Variants in CEP112 observed in about 807,000 individuals in gnomAD.
CEP112 encodes centrosomal protein of 112 kDa.
CEP112 carries 127 observed loss-of-function variants against 153.0 expected under a neutral mutation model. That is an observed-to-expected ratio of 0.83 (90% confidence interval 0.72 to 0.96). The LOEUF (loss-of-function observed/expected upper bound fraction) is 0.96, where lower values mean the gene tolerates loss of function less well. Ranked by LOEUF, CEP112 falls within the 40% of genes least tolerant of loss-of-function variation. The pLI, the probability that CEP112 is intolerant of heterozygous loss-of-function variation, is 0.00. For missense variants in CEP112, 1,089 were observed against 1,101.2 expected, an observed-to-expected ratio of 0.99 and a Z score of 0.16; for synonymous variants, 358 against 374.4, an observed-to-expected ratio of 0.96 and a Z score of 0.51.
intron 17 of CEP112, among the ~76,000 whole-genome samples, chr17:65,991,049 T>C (rs1469700604): frequency 6.6e-6 from 1 of 152,234 alleles, no homozygotes; most frequent in African/African-American, 2.4e-5. Flanking sequence ...CTCTGAGATG[T>C]CCTGGCTTCA....
intron 21 of CEP112, among the ~76,000 whole-genome samples, chr17:65,792,211 AT>A (rs1387208871): frequency 6.6e-6 from 1 of 152,212 alleles, no homozygotes; most frequent in African/African-American, 2.4e-5. Context: ...GTGATTTACT[AT>A]ATCTCTATAT....
chr17:65,644,545 CA>C, intron 24 of CEP112: 1 of 220,960 alleles, frequency 4.5e-6, no homozygotes, highest in Non-Finnish European at 9.0e-6. Flanking sequence ...AACACAAGGT[CA>C]AAACTTTTTC....
chr17:66,116,720 C>T (rs553802744), intron 6 of CEP112, among the ~76,000 whole-genome samples: 30 of 152,144 alleles, frequency 2.0e-4, no homozygotes, highest in African/African-American at 6.5e-4. Flanking sequence ...TATAACTATC[C>T]CATGACTATG....
chr17:65,970,041 G>T (rs1027402649), intron 17 of CEP112, among the ~76,000 whole-genome samples: 7 of 152,128 alleles, frequency 4.6e-5, no homozygotes, highest in Non-Finnish European at 1.0e-4. Context: ...CATGCATATT[G>T]CATGCATGCC....
rs868047901 is a variant in CEP112 at position 65,937,815 on chromosome 17, G to A, written c.1873-10126C>T. On this transcript the variant is annotated intron_variant, in intron 18 of 26. Transcript: ENST00000535342. ...GGTGGGGGGGGTCAGCCCCCCGCCC[G>A]GCCAGCCGCCCCGTCCGGGAGGTGA... Among the ~76,000 whole-genome samples the A allele has an allele frequency of 6.0e-4, 62 of 104,110 alleles. 17 individuals carry two copies. The highest frequency in any genetic ancestry group is 0.01 in the Middle Eastern group (2 of 196). 68.3% of individuals were successfully genotyped at this position (104,110 alleles called of 152,430 possible).
chr17:66,054,005 C>T (rs8068229), intron 11 of CEP112, 126 bp from the exon 12 acceptor site: 308,482 of 549,490 alleles, frequency 0.56, 91,468 homozygotes, highest in African/African-American at 0.68. Context: ...CCAAAAGATA[C>T]AAAAAACCAC....
chr17:66,185,496 C>G (rs1340511106), intron 1 of CEP112, among the ~76,000 whole-genome samples: 1 of 152,218 alleles, frequency 6.6e-6, no homozygotes, highest in Non-Finnish European at 1.5e-5. Context: ...GCTGGCATTA[C>G]AGGCATGAGC....
At chr17:66,141,563 C>G (rs763344317) in intron 4 of CEP112, among the ~76,000 whole-genome samples, 1 of 152,098 alleles carries the variant, frequency 6.6e-6, no homozygotes, top group Non-Finnish European at 1.5e-5. Context: ...AGCAACTCCC[C>G]ATTTTCCCCG....
chr17:66,068,076 T>C (rs561093892), intron 9 of CEP112, among the ~76,000 whole-genome samples: 1 of 152,228 alleles, frequency 6.6e-6, no homozygotes, highest in Non-Finnish European at 1.5e-5. Flanking sequence ...ATTTATATTA[T>C]GTCAGAAGTT....
chr17:66,002,460 T>C (rs1169985039), intron 17 of CEP112, among the ~76,000 whole-genome samples: 2 of 152,026 alleles, frequency 1.3e-5, no homozygotes, highest in Non-Finnish European at 2.9e-5. Flanking sequence ...GTATATCTGG[T>C]CATGTAACAA....
chr17:65,961,412 T>C (rs1201842375), intron 18 of CEP112, 51 bp downstream of exon 18: 3 of 1,518,904 alleles, frequency 2.0e-6, no homozygotes, highest in East Asian at 2.3e-5. Context: ...AGAATGTACC[T>C]TCCTACTGAG....
intron 6 of CEP112, among the ~76,000 whole-genome samples, chr17:66,107,197 A>G (rs2068820561): frequency 6.6e-6 from 1 of 152,150 alleles, no homozygotes; most frequent in Non-Finnish European, 1.5e-5. Flanking sequence ...TATATTGAAC[A>G]GGAAAAACTG....
chr17:66,175,253 A>G, intron 3 of CEP112, 37 bp from the exon 4 acceptor site: 1 of 1,438,900 alleles, frequency 6.9e-7, no homozygotes, highest in South Asian at 1.5e-5. Flanking sequence ...TTCTTTCAAA[A>G]TGTACTATAA....
intron 18 of CEP112, among the ~76,000 whole-genome samples, chr17:65,960,895 A>T (rs2062174030): frequency 6.6e-6 from 1 of 152,052 alleles, no homozygotes; most frequent in Admixed American, 6.6e-5. Flanking sequence ...CTTCACCTGA[A>T]TTTTTTAGTT....
rs769959215 is a variant in CEP112, at chr17:66,125,425, G to A, written c.642+4321C>T. ...GCTACTCAAGAGGCTGAGGCAAGACGATCACTTGAACCCATGAGTTCAAGG... is the reference window on the plus strand; with the variant it reads ...GCTACTCAAGAGGCTGAGGCAAGACAATCACTTGAACCCATGAGTTCAAGG... On this transcript the variant is annotated intron_variant, in intron 6 of 26. Transcript: ENST00000535342. Among the ~76,000 whole-genome samples, 8 of 152,144 alleles carry A rather than the reference G, an allele frequency of 5.3e-5. No individual in the cohort carries two copies. In the South Asian group the frequency reaches 1.0e-3, roughly 20 times the overall value.
chr17:66,171,742 C>A (rs748418944), intron 4 of CEP112, among the ~76,000 whole-genome samples: 1 of 152,074 alleles, frequency 6.6e-6, no homozygotes, highest in South Asian at 2.1e-4. Context: ...TATCTGTTAA[C>A]TAATGTAAAT....
At chr17:65,671,271 C>T (rs761671369) in intron 24 of CEP112, among the ~76,000 whole-genome samples, 6 of 152,064 alleles carry the variant, frequency 3.9e-5, no homozygotes, top group African/African-American at 7.2e-5. Flanking sequence ...TAAGAGCTCC[C>T]GAAGGGGAAA....
chr17:65,824,281 T>TTA (rs1248840428), intron 21 of CEP112, among the ~76,000 whole-genome samples: 8 of 152,190 alleles, frequency 5.3e-5, no homozygotes, highest in African/African-American at 1.9e-4. Flanking sequence ...CTCTAATGCA[T>TTA]TATGCAAAGG....
chr17:66,171,322 TA>T (rs1388228680), intron 4 of CEP112, among the ~76,000 whole-genome samples: 1 of 152,182 alleles, frequency 6.6e-6, no homozygotes, highest in East Asian at 1.9e-4. Flanking sequence ...AAAAATCTTT[TA>T]AGATTAAAGA....
Sources: gnomAD v4.1 joint callset for allele counts (sites outside exome capture counted in the v4.1 genomes callset) on GRCh38, gnomAD v4.1.1 for gene constraint, MANE v1.5 for transcripts, NCBI Gene and HGNC (gene_info 2026-07-23, HGNC 2026-07-21) for gene names.